LHPP: variants seen among roughly 807,000 people sequenced by gnomAD.
LHPP encodes the protein phospholysine phosphohistidine inorganic pyrophosphate phosphatase.
Under a neutral mutation model 30.3 loss-of-function variants are expected in LHPP, and 24 were observed. That is an observed-to-expected ratio of 0.79 (90% CI 0.57 to 1.11). LHPP has a LOEUF of 1.11. LHPP is among the 50% of genes most tolerant of loss of function. The pLI, the probability that LHPP is intolerant of heterozygous loss-of-function variation, is 0.00. For synonymous variants in LHPP, 150 were observed against 157.1 expected (o/e 0.95, Z 0.34); for missense variants, 356 against 367.2 (o/e 0.97, Z 0.25).
chr10:124,487,597 C>T (rs915312634), intron 2 of LHPP, among the ~76,000 whole-genome samples: 8 of 152,008 alleles, frequency 5.3e-5, no homozygotes, highest in Non-Finnish European at 7.4e-5. Flanking sequence ...CGGCCGCCAC[C>T]GTGCCGGGCT....
chr10:124,510,325 G>A lies in LHPP; in HGVS notation c.625-6855G>A, dbSNP rs143575393. On this transcript the variant is annotated intron_variant, in intron 5 of 6. Transcript: ENST00000368842. The surrounding 1 kb of genome is among the most constrained non-coding windows in gnomAD (Gnocchi z 4.0). ...CTGGGAATCCCCTGGGGTCCTGAGC[G>A]CACTTTGGTATGCGGAGCCCACAAG... 4.6e-5 allele frequency among the ~76,000 whole-genome samples: 7 copies of A among 152,308 alleles called. No individual in the cohort carries two copies. The highest frequency in any genetic ancestry group is 8.8e-5 in the Non-Finnish European group (6 of 68,024).
chr10:124,564,126 T>A (rs1228483323), intron 6 of LHPP, among the ~76,000 whole-genome samples: 68 of 135,270 alleles, frequency 5.0e-4, no homozygotes, highest in South Asian at 1.4e-3. Context: ...TAAAAAAAAA[T>A]TTTTTTTTTT....
intron 6 of LHPP, among the ~76,000 whole-genome samples, chr10:124,606,038 G>T (rs1254227740): frequency 6.6e-6 from 1 of 152,186 alleles, no homozygotes; most frequent in Non-Finnish European, 1.5e-5. Flanking sequence ...TCCTGCGCAA[G>T]GATGGGGGAG....
chr10:124,608,047 G>C (rs998963174), intron 6 of LHPP, among the ~76,000 whole-genome samples: 1 of 152,156 alleles, frequency 6.6e-6, no homozygotes, highest in Non-Finnish European at 1.5e-5. Flanking sequence ...AGGGCAGGAG[G>C]GGGCAGAGCC....
At chr10:124,526,176 C>T (rs571558477) in intron 6 of LHPP, 5 of 985,386 alleles carry the variant, frequency 5.1e-6, no homozygotes, top group East Asian at 1.1e-4. Context: ...TTGCAAGGCA[C>T]GTGCTCTGGA....
chr10:124,489,166 T>A (rs757438529), intron 3 of LHPP, among the ~76,000 whole-genome samples: 38 of 152,210 alleles, frequency 2.5e-4, no homozygotes, highest in Admixed American at 1.4e-3. Context: ...TAGCACATGT[T>A]CATTGAAGAA....
intron 3 of LHPP, among the ~76,000 whole-genome samples, chr10:124,488,979 C>T (rs1953426798): frequency 6.6e-6 from 1 of 152,186 alleles, no homozygotes. Flanking sequence ...ATTAGTAAAA[C>T]ATAGGCTTGA....
intron 6 of LHPP, among the ~76,000 whole-genome samples, chr10:124,546,413 GTTTT>G (rs1305131077): frequency 2.6e-5 from 4 of 152,080 alleles, no homozygotes; most frequent in South Asian, 2.1e-4. Context: ...TTGTTTGTTT[GTTTT>G]TTTGAGACGG....
chr10:124,544,684 G>A (rs1168110912), intron 6 of LHPP, among the ~76,000 whole-genome samples: 1 of 152,192 alleles, frequency 6.6e-6, no homozygotes, highest in Non-Finnish European at 1.5e-5. Flanking sequence ...CACAAGCCTC[G>A]GCTCTGTGGC....
chr10:124,488,349 C>A, intron 2 of LHPP, 73 bp from the exon 3 acceptor site: 1 of 1,382,256 alleles, frequency 7.2e-7, no homozygotes, highest in Non-Finnish European at 1.0e-6. Context: ...AAAGGTGTCC[C>A]TGGTAGGAGA....
At chr10:124,543,465 G>A (rs1294829385) in intron 6 of LHPP, among the ~76,000 whole-genome samples, 1 of 152,284 alleles carries the variant, frequency 6.6e-6, no homozygotes, top group Non-Finnish European at 1.5e-5. Context: ...TGGGAAGGCG[G>A]AGGTCTGGGA....
intron 1 of LHPP, among the ~76,000 whole-genome samples, chr10:124,475,739 C>A (rs1472782460): frequency 7.1e-6 from 1 of 141,674 alleles, no homozygotes. Context: ...TGGCCTTTGT[C>A]CCCTGCAGCC....
At chr10:124,586,618 G>A (rs970981118) in intron 6 of LHPP, among the ~76,000 whole-genome samples, 2 of 152,190 alleles carry the variant, frequency 1.3e-5, no homozygotes, top group African/African-American at 2.4e-5. Flanking sequence ...AGGCTCCACA[G>A]GGGAAGTGAG....
chr10:124,596,947 G>A lies in LHPP; in HGVS notation c.717-16317G>A, dbSNP rs746657355. Among the ~76,000 whole-genome samples, 19 of 152,216 alleles carry A rather than the reference G, an allele frequency of 1.2e-4. No homozygotes were observed. The highest frequency in any genetic ancestry group is 2.1e-4 in the South Asian group (1 of 4,834). ...ACCGGGTGACGGAGACCCACCCTCCGTGTGGGTGGGCACCATCTCATCGGC... is the reference window on the plus strand; with the variant it reads ...ACCGGGTGACGGAGACCCACCCTCCATGTGGGTGGGCACCATCTCATCGGC... On this transcript the variant is annotated intron_variant, in intron 6 of 6. Coordinates refer to ENST00000368842, the MANE Select transcript of LHPP (RefSeq NM_022126.4). The surrounding 1 kb of genome is among the most constrained non-coding windows in gnomAD (Gnocchi z 4.6).
Position 124,590,497 on chromosome 10 carries a change from A to C in LHPP, c.717-22767A>C, listed in dbSNP as rs1948869677. 6.6e-6 allele frequency among the ~76,000 whole-genome samples: 1 copy of C among 152,034 alleles called. No individual in the cohort carries two copies. Among genetic ancestry groups the C allele is most frequent in the Non-Finnish European group, 1.5e-5 (1 of 67,990 alleles). ...CCCGAGAAAGCCGCTGTGTGACCCC[A>C]TTAGGGGACTTGGCTCTCCTGCCAA... On this transcript the variant is annotated intron_variant, in intron 6 of 6. Transcript: ENST00000368842. The surrounding 1 kb of genome is among the most constrained non-coding windows in gnomAD (Gnocchi z 4.3).
At chr10:124,546,886 C>G (rs6597840) in intron 6 of LHPP, among the ~76,000 whole-genome samples, 87,435 of 151,908 alleles carry the variant, frequency 0.58, 27,024 homozygotes, top group Non-Finnish European at 0.69. Flanking sequence ...ATTCGGTATT[C>G]TACATTTTCA....
chr10:124,599,747 A>T (rs1002691034), intron 6 of LHPP, among the ~76,000 whole-genome samples: 5 of 152,194 alleles, frequency 3.3e-5, no homozygotes, highest in Admixed American at 1.3e-4. Context: ...TTGGGGCCTG[A>T]CTTGGAGTGC....
intron 1 of LHPP, among the ~76,000 whole-genome samples, chr10:124,467,771 A>G (rs1307122295): frequency 6.6e-6 from 1 of 151,950 alleles, no homozygotes; most frequent in Non-Finnish European, 1.5e-5. Flanking sequence ...GCTGGAGTGC[A>G]GTGGTATGAT....
chr10:124,574,160 G>A (rs72837382), intron 6 of LHPP, among the ~76,000 whole-genome samples: 5,052 of 152,246 alleles, frequency 0.033, 134 homozygotes, highest in East Asian at 0.13. Context: ...CGAAAGACAA[G>A]CAGATGAGAC....
Sources: allele counts gnomAD v4.1 joint callset (sites outside exome capture counted in the v4.1 genomes callset), GRCh38; gene constraint gnomAD v4.1.1; non-coding constraint Gnocchi (gnomAD v3.1); transcripts MANE v1.5; gene names NCBI Gene and HGNC (gene_info 2026-07-23, HGNC 2026-07-21).